The following RBFOX1 variants were observed in gnomAD, a reference collection of about 807,000 sequenced individuals.
RBFOX1 encodes the protein RNA binding protein fox-1 homolog 1.
In RBFOX1, 8 loss-of-function variants were observed where a neutral mutation model predicts 57.7. The observed-to-expected ratio is 0.14, with a 90% CI of 0.08 to 0.25. RBFOX1 has a LOEUF of 0.25. Ranked by LOEUF, RBFOX1 falls within the 10% of genes least tolerant of loss-of-function variation. RBFOX1 has a pLI of 1.00. For missense variants in RBFOX1, 611 were observed against 548.5 expected (o/e 1.11, Z -1.14); for synonymous variants, 326 against 222.4 (o/e 1.47, Z -4.15).
At chr16:6,618,183 G>C (rs374285274) in intron 2 of RBFOX1, among the ~76,000 whole-genome samples, 7 of 152,092 alleles carry the variant, frequency 4.6e-5, no homozygotes. Flanking sequence ...TGACTCTCCA[G>C]TTCACCTCCC....
At chr16:6,253,377 C>A (rs77775384) in intron 1 of RBFOX1, among the ~76,000 whole-genome samples, 4,251 of 152,222 alleles carry the variant, frequency 0.028, 141 homozygotes, top group African/African-American at 0.079. Flanking sequence ...AACTTGCATG[C>A]ATGAACTCCT....
At chr16:6,331,748 A>G (rs911411834) in intron 2 of RBFOX1, among the ~76,000 whole-genome samples, 55 of 142,106 alleles carry the variant, frequency 3.9e-4, no homozygotes, top group African/African-American at 1.3e-3. Context: ...AAATCATGCA[A>G]TTTTTTTTGT....
At chr16:6,202,977 T>A (rs943480966) in intron 1 of RBFOX1, among the ~76,000 whole-genome samples, 2 of 152,032 alleles carry the variant, frequency 1.3e-5, no homozygotes, top group African/African-American at 4.8e-5. Flanking sequence ...GTTCTCACTT[T>A]GTTGCCAAGG....
chr16:6,946,996 C>G (rs950015903), intron 3 of RBFOX1, among the ~76,000 whole-genome samples: 1 of 152,140 alleles, frequency 6.6e-6, no homozygotes, highest in Non-Finnish European at 1.5e-5. Context: ...AGTTTCCTAG[C>G]CCTGTTGGGT....
intron 1 of RBFOX1, among the ~76,000 whole-genome samples, chr16:6,284,930 G>A (rs2076749088): frequency 6.6e-6 from 1 of 152,102 alleles, no homozygotes; most frequent in Non-Finnish European, 1.5e-5. Flanking sequence ...CAAATGGCTG[G>A]CATGTTTCTT....
intron 4 of RBFOX1, among the ~76,000 whole-genome samples, chr16:7,053,168 G>A (rs538998955): frequency 9.2e-5 from 14 of 152,268 alleles, no homozygotes; most frequent in African/African-American, 1.7e-4. Flanking sequence ...TTGGCATCAG[G>A]TTTGTGAAGT....
chr16:6,779,280 T>C (rs1402377530), intron 3 of RBFOX1, among the ~76,000 whole-genome samples: 2 of 152,114 alleles, frequency 1.3e-5, no homozygotes, highest in Non-Finnish European at 2.9e-5. Flanking sequence ...TGTCTTTCTG[T>C]GCCTGGCTTA....
At chr16:6,021,845 G>A (rs1016808900) in intron 1 of RBFOX1, among the ~76,000 whole-genome samples, 2 of 152,194 alleles carry the variant, frequency 1.3e-5, no homozygotes, top group African/African-American at 4.8e-5. Flanking sequence ...GAGGGTTTGG[G>A]GGTAAATTAC....
At chr16:5,315,395 G>T (rs976353708) in intron 1 of RBFOX1, among the ~76,000 whole-genome samples, 4 of 152,178 alleles carry the variant, frequency 2.6e-5, no homozygotes, top group African/African-American at 9.7e-5. Context: ...TTCATATCTT[G>T]CAGGATCTAA....
chr16:6,124,350 C>T (rs920487631), intron 1 of RBFOX1, among the ~76,000 whole-genome samples: 2 of 152,168 alleles, frequency 1.3e-5, no homozygotes, highest in African/African-American at 4.8e-5. Context: ...TGTCTCAGAG[C>T]TGACCCTCTG....
At chr16:7,228,891 G>T (rs1041432415) in intron 4 of RBFOX1, among the ~76,000 whole-genome samples, 1 of 152,126 alleles carries the variant, frequency 6.6e-6, no homozygotes, top group African/African-American at 2.4e-5. Context: ...CACGTTATCT[G>T]TTGCATTTTG....
chr16:7,094,706 A>C (rs1599317888), intron 4 of RBFOX1, among the ~76,000 whole-genome samples: 1 of 148,318 alleles, frequency 6.7e-6, no homozygotes, highest in Middle Eastern at 3.4e-3. Flanking sequence ...GGTATGGCTA[A>C]GATGGCTGAT....
intron 3 of RBFOX1, among the ~76,000 whole-genome samples, chr16:6,928,215 G>T (rs2075953404): frequency 6.6e-6 from 1 of 152,158 alleles, no homozygotes; most frequent in Admixed American, 6.5e-5. Context: ...TCTGGGTACT[G>T]CCCCCGAAGA....
At chr16:5,939,785 G>A (rs1315673689) in intron 4 of RBFOX1, among the ~76,000 whole-genome samples, 1 of 152,196 alleles carries the variant, frequency 6.6e-6, no homozygotes, top group Non-Finnish European at 1.5e-5. Flanking sequence ...TAATTGAAAT[G>A]TTTAAGGAGA....
chr16:6,301,605 G>T (rs1055410105), intron 1 of RBFOX1, among the ~76,000 whole-genome samples: 2 of 152,108 alleles, frequency 1.3e-5, no homozygotes, highest in African/African-American at 4.8e-5. Context: ...ACCCGTGTCT[G>T]AGGAGGTGTG....
intron 2 of RBFOX1, among the ~76,000 whole-genome samples, chr16:6,609,742 A>C (rs1014682442): frequency 1.3e-5 from 2 of 152,106 alleles, no homozygotes; most frequent in Admixed American, 6.6e-5. Context: ...AGGCATGGTG[A>C]ATCAGGCCTG....
chr16:7,447,119 A>G (rs368393324), intron 4 of RBFOX1, among the ~76,000 whole-genome samples: 5 of 152,090 alleles, frequency 3.3e-5, no homozygotes, highest in African/African-American at 9.6e-5. Context: ...GCCTCAAGGT[A>G]GGTCTGGGTT....
At chr16:6,152,316 C>G (rs2096803198) in intron 1 of RBFOX1, among the ~76,000 whole-genome samples, 1 of 152,128 alleles carries the variant, frequency 6.6e-6, no homozygotes, top group African/African-American at 2.4e-5. Flanking sequence ...CATCTTTTCT[C>G]CTGCTCTCTG....
rs114660407 is a variant in RBFOX1, at chr16:6,993,766, T to C, written c.-15-58291T>C. ...CTCCATGGGCATGGGGCAGGGGAGA[T>C]CATAAATCTGCCATCCTGGAGCATG... On this transcript the variant is annotated intron_variant, in intron 3 of 15. Coordinates refer to ENST00000550418, the MANE Select transcript of RBFOX1 (RefSeq NM_018723.4). Among the ~76,000 whole-genome samples, 364 of 152,226 alleles carry C rather than the reference T, an allele frequency of 2.4e-3. 1 individual carries two copies. Among genetic ancestry groups the C allele is most frequent in the African/African-American group, 8.4e-3 (350 of 41,546 alleles).
Sources: allele counts gnomAD v4.1 joint callset (sites outside exome capture counted in the v4.1 genomes callset), GRCh38; gene constraint gnomAD v4.1.1; transcripts MANE v1.5; gene names NCBI Gene and HGNC (gene_info 2026-07-23, HGNC 2026-07-21).